Variants in SUSD1 observed in about 807,000 individuals in gnomAD.
The protein encoded by SUSD1 is sushi domain containing 1.
In SUSD1, 65 loss-of-function variants were observed where a neutral mutation model predicts 86.9. The observed-to-expected ratio is 0.75, with a 90% CI of 0.61 to 0.92. The LOEUF (loss-of-function observed/expected upper bound fraction) is 0.92. SUSD1 is among the 40% of genes least tolerant of loss of function. The pLI, the probability that SUSD1 is intolerant of heterozygous loss-of-function variation, is 0.00. For missense variants in SUSD1, 850 were observed against 929.7 expected, an observed-to-expected ratio of 0.91 and a Z score of 1.11; for synonymous variants, 346 against 350.0, an observed-to-expected ratio of 0.99 and a Z score of 0.13.
At chr9:112,142,600 C>T in intron 4 of SUSD1, 101 bp from the exon 5 acceptor site, 7 of 1,122,114 alleles carry the variant, frequency 6.2e-6, no homozygotes, top group Non-Finnish European at 8.9e-6. Context: ...CACACACACC[C>T]CCGAGCCATA....
chr9:112,157,731 T>C (rs1833395094), intron 1 of SUSD1, 118 bp from the exon 2 acceptor site: 1 of 638,540 alleles, frequency 1.6e-6, no homozygotes, highest in Non-Finnish European at 2.7e-6. Context: ...AGGACACACC[T>C]AGTCTCATCC....
chr9:112,071,718 CACAA>C (rs1829278802), intron 12 of SUSD1, among the ~76,000 whole-genome samples: 1 of 152,100 alleles, frequency 6.6e-6, no homozygotes, highest in Admixed American at 6.6e-5. Context: ...TTCAAGTAAA[CACAA>C]ACAATTGAAT....
At chr9:112,091,371 A>G (rs954152245) in intron 10 of SUSD1, among the ~76,000 whole-genome samples, 1 of 152,160 alleles carries the variant, frequency 6.6e-6, no homozygotes, top group Non-Finnish European at 1.5e-5. Context: ...GTCCACATAG[A>G]TCTCAAATTA....
chr9:112,114,179 A>G (rs1008436177), intron 6 of SUSD1, among the ~76,000 whole-genome samples: 2 of 152,116 alleles, frequency 1.3e-5, no homozygotes, highest in African/African-American at 2.4e-5. Context: ...AATTTCATTT[A>G]CAATACTATC....
intron 8 of SUSD1, among the ~76,000 whole-genome samples, chr9:112,106,480 C>T (rs1830845905): frequency 6.6e-6 from 1 of 152,062 alleles, no homozygotes; most frequent in African/African-American, 2.4e-5. Flanking sequence ...CCCATTCCCT[C>T]CCTGAGGAGC....
In SUSD1 at chr9:112,113,057, C is replaced by T. The variant is rs1421710120; in HGVS notation, c.887-189G>A. On this transcript the variant is annotated intron_variant, in intron 6 of 16. Coordinates refer to ENST00000374270, the MANE Select transcript of SUSD1 (RefSeq NM_022486.5). The surrounding 1 kb of genome is among the most constrained non-coding windows in gnomAD (Gnocchi z 4.1). Reference sequence around the variant, plus strand: ...CCAACTTCTCTTCATCATGAATGAGCGTGGCCCATTACCTGACTTAGAGGG... The same window carrying T: ...CCAACTTCTCTTCATCATGAATGAGTGTGGCCCATTACCTGACTTAGAGGG... Among the ~76,000 whole-genome samples the T allele has an allele frequency of 1.3e-5, 2 of 152,142 alleles. No individual in the cohort carries two copies. Among genetic ancestry groups the T allele is most frequent in the Admixed American group, 6.5e-5 (1 of 15,278 alleles).
At chr9:112,155,144 G>T (rs377659230) in intron 2 of SUSD1, among the ~76,000 whole-genome samples, 3 of 151,758 alleles carry the variant, frequency 2.0e-5, no homozygotes, top group Admixed American at 1.3e-4. Context: ...CTAGCTACTC[G>T]GGAGGCTGAG....
At chr9:112,130,157 C>CA (rs1045357199) in intron 5 of SUSD1, among the ~76,000 whole-genome samples, 6 of 151,984 alleles carry the variant, frequency 3.9e-5, no homozygotes, top group African/African-American at 1.5e-4. Flanking sequence ...AGGATTGCTT[C>CA]AGCCCAGGAG....
intron 6 of SUSD1, among the ~76,000 whole-genome samples, chr9:112,117,081 A>G (rs572035186): frequency 5.5e-4 from 84 of 152,374 alleles, no homozygotes; most frequent in African/African-American, 2.0e-3. Context: ...CGGAGGTTGC[A>G]GTGAGCTGAG....
intron 12 of SUSD1, among the ~76,000 whole-genome samples, chr9:112,064,049 G>C (rs1318467049): frequency 4.0e-3 from 572 of 144,334 alleles, no homozygotes; most frequent in Non-Finnish European, 5.9e-3. Flanking sequence ...CTTTTTTTGG[G>C]GGGGGGGCGG....
chr9:112,116,758 G>C (rs1236963770), intron 6 of SUSD1, among the ~76,000 whole-genome samples: 3 of 152,210 alleles, frequency 2.0e-5, no homozygotes, highest in Non-Finnish European at 2.9e-5. Flanking sequence ...GGGGGAACCA[G>C]AGGAAAAAGG....
At chr9:112,100,879 C>G (rs576905111) in intron 9 of SUSD1, among the ~76,000 whole-genome samples, 1 of 151,710 alleles carries the variant, frequency 6.6e-6, no homozygotes, top group South Asian at 2.1e-4. Flanking sequence ...CACACACACA[C>G]ACACACACAC....
intron 5 of SUSD1, among the ~76,000 whole-genome samples, chr9:112,128,597 T>A (rs1831880539): frequency 6.6e-6 from 1 of 152,208 alleles, no homozygotes; most frequent in African/African-American, 2.4e-5. Context: ...TTTCATCATG[T>A]TGGCCAGGTT....
intron 10 of SUSD1, among the ~76,000 whole-genome samples, chr9:112,098,029 T>C (rs1474834555): frequency 1.3e-5 from 2 of 152,210 alleles, no homozygotes; most frequent in Admixed American, 1.3e-4. Flanking sequence ...CTCTGTTCTC[T>C]ATGTCAAGTT....
At position 112,089,171 on chromosome 9, in the gene SUSD1, G is replaced by A. The variant is rs569863901; in HGVS notation, c.1475-9006C>T. 3.0e-4 allele frequency among the ~76,000 whole-genome samples: 45 copies of A among 152,170 alleles called. 1 individual carries two copies. The South Asian group carries it at 8.1e-3, about 27-fold the overall frequency. Reference sequence around the variant, plus strand: ...AACCAGATGGTGAAAAGTTAAATGAGAAAACAGAAGAGAGGGCGTTTTTTA... The same window carrying A: ...AACCAGATGGTGAAAAGTTAAATGAAAAAACAGAAGAGAGGGCGTTTTTTA... On this transcript the variant is annotated intron_variant, in intron 10 of 16. Coordinates refer to ENST00000374270, the MANE Select transcript of SUSD1 (RefSeq NM_022486.5).
At chr9:112,087,933 T>G (rs1370214396) in intron 10 of SUSD1, among the ~76,000 whole-genome samples, 1 of 152,162 alleles carries the variant, frequency 6.6e-6, no homozygotes, top group Non-Finnish European at 1.5e-5. Flanking sequence ...CAAGTAAAAC[T>G]ATTAGATTTT....
At chr9:112,067,895 C>T (rs967672066) in intron 12 of SUSD1, among the ~76,000 whole-genome samples, 2 of 152,012 alleles carry the variant, frequency 1.3e-5, no homozygotes, top group Non-Finnish European at 2.9e-5. Flanking sequence ...ACTGTATTTA[C>T]CAGATTAGAA....
Position 112,111,821 on chromosome 9 carries a change from C to T in SUSD1, c.1004G>A (p.Arg335Gln), listed in dbSNP as rs148949726. 14 of 1,613,810 alleles carry T rather than the reference C, an allele frequency of 8.7e-6. No homozygotes were observed. Among genetic ancestry groups the T allele is most frequent in the Admixed American group, 5.0e-5 (3 of 59,950 alleles). ...ACGAACTGATTCCATAGGGTCCAACCGTTGTCCTTTTATGGATATCTTTGA... is the reference window on the plus strand; with the variant it reads ...ACGAACTGATTCCATAGGGTCCAACTGTTGTCCTTTTATGGATATCTTTGA... ...ISYVISIKGQRLDPMESVREE... is the reference protein window; with the variant it reads ...ISYVISIKGQQLDPMESVREE... The change falls in exon 8 of 17, where the codon CGG becomes CAG. Residue 335 changes from arginine (R) to glutamine (Q), a missense_variant. Coordinates refer to ENST00000374270, the MANE Select transcript of SUSD1 (RefSeq NM_022486.5).
chr9:112,156,558 C>T (rs1456261915), intron 2 of SUSD1, among the ~76,000 whole-genome samples: 1 of 152,068 alleles, frequency 6.6e-6, no homozygotes, highest in Non-Finnish European at 1.5e-5. Context: ...AGGCATGTGC[C>T]ACCACATGTG....
Sources: allele counts gnomAD v4.1 joint callset (sites outside exome capture counted in the v4.1 genomes callset), GRCh38; gene constraint gnomAD v4.1.1; non-coding constraint Gnocchi (gnomAD v3.1); transcripts MANE v1.5; gene names NCBI Gene and HGNC (gene_info 2026-07-23, HGNC 2026-07-21).